Variants in ABCC11 observed in about 807,000 individuals in gnomAD.
The protein encoded by ABCC11 is ATP binding cassette subfamily C member 11.
A neutral mutation model predicts 149.3 loss-of-function variants in ABCC11; 135 were observed. The ratio of observed to expected loss-of-function variants is 0.90; its 90% CI spans 0.79 to 1.04. The LOEUF (loss-of-function observed/expected upper bound fraction) is 1.04, where lower values mean the gene tolerates loss of function less well. ABCC11 is among the 50% of genes least tolerant of loss of function. The pLI is 0.00. For missense variants in ABCC11, 1,680 were observed against 1,722.1 expected (o/e 0.98, Z 0.43); for synonymous variants, 665 against 671.4 (o/e 0.99, Z 0.15).
At chr16:48,205,646 G>A (rs962884007) in intron 12 of ABCC11, 109 bp from the exon 13 acceptor site, 29 of 1,408,368 alleles carry the variant, frequency 2.1e-5, no homozygotes, top group Non-Finnish European at 2.6e-5. Context: ...GACCTTGGGG[G>A]CTCTCCTAGG....
At chr16:48,228,743 A>G (rs1970244224) in intron 3 of ABCC11, among the ~76,000 whole-genome samples, 1 of 152,222 alleles carries the variant, frequency 6.6e-6, no homozygotes, top group African/African-American at 2.4e-5. Context: ...AAGAAATAGG[A>G]AGAGAGGTCC....
chr16:48,167,823 G>A (rs1567467540), intron 28 of ABCC11, among the ~76,000 whole-genome samples, 163 bp from the exon 29 acceptor site: 1 of 152,146 alleles, frequency 6.6e-6, no homozygotes, highest in Non-Finnish European at 1.5e-5. Context: ...CGCTCTGATT[G>A]CTGATTATCC....
chr16:48,230,704 C>T lies in ABCC11; in HGVS notation c.100-131G>A, dbSNP rs561508703. The T allele has an allele frequency of 1.2e-5, 13 of 1,092,060 alleles. No individual in the cohort carries two copies. In the East Asian group the frequency reaches 1.7e-4, roughly 14 times the overall value. The allele number at this position is 1,092,060 out of a possible 1,614,324, so 67.6% of individuals were successfully genotyped here. A position where few individuals can be genotyped will look rare whatever the true frequency, so the allele number is the denominator to read the frequency against. On this transcript the variant is annotated intron_variant, in intron 2 of 29. Transcript: ENST00000356608. Reference sequence around the variant, plus strand: ...GCTTCCTAAAGAAAGGCTTCCATACCGAGAATAAGCAGGGGACCGAGAGTC... The same window carrying T: ...GCTTCCTAAAGAAAGGCTTCCATACTGAGAATAAGCAGGGGACCGAGAGTC...
At chr16:48,172,166 C>T (rs1277039785) in intron 26 of ABCC11, among the ~76,000 whole-genome samples, 1 of 152,224 alleles carries the variant, frequency 6.6e-6, no homozygotes, top group East Asian at 1.9e-4. Flanking sequence ...GCATCTTTCA[C>T]TTCGTGTCCA....
rs766486083 is a variant in ABCC11, at chr16:48,198,243, C to T, written c.2115G>A (p.Leu705=). The change falls in exon 16 of 30, where the codon TTG becomes TTA. Residue 705 remains leucine, a synonymous_variant. Coordinates refer to ENST00000356608, the MANE Select transcript of ABCC11 (RefSeq NM_001370497.1). Reference sequence around the variant, plus strand: ...CATTTTCACAGATTTTCCCATTTTCCAACAAAATGATCTGGCCACAAAATT... The same window carrying T: ...CATTTTCACAGATTTTCCCATTTTCTAACAAAATGATCTGGCCACAAAATT... ...YLEFCGQIIL[L]ENGKICENGT... The T allele has an allele frequency of 6.2e-7, 1 of 1,614,130 alleles. No individual in the cohort carries two copies. Among genetic ancestry groups the T allele is most frequent in the South Asian group, 1.1e-5 (1 of 91,076 alleles).
At chr16:48,235,939 G>T (rs999437838) in intron 1 of ABCC11, among the ~76,000 whole-genome samples, 9 of 152,108 alleles carry the variant, frequency 5.9e-5, no homozygotes, top group African/African-American at 2.2e-4. Context: ...CTTTCTGGAG[G>T]AGCTGATTTA....
chr16:48,186,217 C>T (rs1966735745), intron 22 of ABCC11, among the ~76,000 whole-genome samples: 1 of 152,096 alleles, frequency 6.6e-6, no homozygotes, highest in African/African-American at 2.4e-5. Context: ...AAATGTGTGC[C>T]CAAGTCTTAC....
intron 7 of ABCC11, 92 bp from the exon 8 acceptor site, chr16:48,215,436 T>C (rs1969264331): frequency 7.1e-7 from 1 of 1,414,254 alleles, no homozygotes; most frequent in Non-Finnish European, 9.7e-7. Flanking sequence ...GTAGGGCAAC[T>C]GGGTGTATTT....
Position 48,167,370 on chromosome 16 carries a change from G to A in ABCC11, c.4057-4C>T. On this transcript the variant is annotated splice_region_variant and splice_polypyrimidine_tract_variant and intron_variant, in intron 29 of 29. Transcript: ENST00000356608. ...CCGGCCGATCAAATTCTACCACCTG[G>A]AGGGTAGAGAAAGGCGAGGGGAGGA... The A allele has an allele frequency of 7.2e-7, 1 of 1,387,794 alleles. No individual in the cohort carries two copies. Among genetic ancestry groups the A allele is most frequent in the Non-Finnish European group, 1.0e-6 (1 of 973,468 alleles). The allele number at this position is 1,387,794 out of a possible 1,614,324, so 86.0% of individuals were successfully genotyped here.
At chr16:48,231,582 A>G (rs1970418601) in intron 2 of ABCC11, among the ~76,000 whole-genome samples, 1 of 151,034 alleles carries the variant, frequency 6.6e-6, no homozygotes, top group Non-Finnish European at 1.5e-5. Context: ...TGGGAGGATC[A>G]TTTGAACCCA....
At chr16:48,174,020 A>G (rs1421141258) in intron 26 of ABCC11, among the ~76,000 whole-genome samples, 1 of 152,078 alleles carries the variant, frequency 6.6e-6, no homozygotes, top group African/African-American at 2.4e-5. Context: ...GCAAGCTCCT[A>G]CTCAGCTTTC....
chr16:48,176,613 G>C (rs1389151696), intron 25 of ABCC11, among the ~76,000 whole-genome samples: 1 of 152,258 alleles, frequency 6.6e-6, no homozygotes, highest in African/African-American at 2.4e-5. Flanking sequence ...CAGAACCCAG[G>C]TATCCAAGGC....
intron 22 of ABCC11, among the ~76,000 whole-genome samples, chr16:48,185,424 T>A (rs1371112643): frequency 6.6e-6 from 1 of 152,208 alleles, no homozygotes; most frequent in Non-Finnish European, 1.5e-5. Context: ...AATTTTCACA[T>A]ACCACCATCA....
At chr16:48,244,609 C>T (rs1971238496) in intron 1 of ABCC11, 3 of 1,469,594 alleles carry the variant, frequency 2.0e-6, no homozygotes, top group African/African-American at 1.5e-5. Flanking sequence ...CAGGACCTGC[C>T]GCCGCTGCAC....
intron 7 of ABCC11, 29 bp from the exon 8 acceptor site, chr16:48,215,373 T>C (rs1346049810): frequency 5.6e-6 from 9 of 1,603,546 alleles, no homozygotes; most frequent in South Asian, 2.2e-5. Context: ...AAGTTTGGAG[T>C]TGATCTGCAA....
rs563870215 is a variant in ABCC11 at position 48,170,754 on chromosome 16, C to G, written c.3777+135G>C. ...CCTTGACTTAGGAATGCCAAGTCAT[C>G]TCATCTCCATGAGATGATGCATCCA... On this transcript the variant is annotated intron_variant, in intron 27 of 29. Transcript: ENST00000356608. 18 of 799,820 alleles carry G rather than the reference C, an allele frequency of 2.3e-5. No homozygotes were observed. In the African/African-American group the frequency reaches 2.9e-4, roughly 13 times the overall value. 49.5% of individuals were successfully genotyped at this position (799,820 alleles called of 1,614,324 possible).
intron 11 of ABCC11, chr16:48,210,697 A>C (rs1968844409): frequency 2.0e-6 from 1 of 510,786 alleles, no homozygotes; most frequent in African/African-American, 1.9e-5. Flanking sequence ...TTCCAAGGAC[A>C]AGCACACAGT....
At chr16:48,189,692 A>G (rs538498789) in intron 20 of ABCC11, among the ~76,000 whole-genome samples, 1 of 152,326 alleles carries the variant, frequency 6.6e-6, no homozygotes, top group South Asian at 2.1e-4. Context: ...AGAAACTCAG[A>G]GACCACCTTG....
intron 14 of ABCC11, among the ~76,000 whole-genome samples, chr16:48,202,939 C>A (rs1596753042): frequency 6.6e-6 from 1 of 152,146 alleles, no homozygotes; most frequent in Non-Finnish European, 1.5e-5. Context: ...GGCGATGCAG[C>A]GTTTCTCATC....
Sources: gnomAD v4.1 joint callset for allele counts (sites outside exome capture counted in the v4.1 genomes callset) on GRCh38, gnomAD v4.1.1 for gene constraint, MANE v1.5 for transcripts, NCBI Gene and HGNC (gene_info 2026-07-23, HGNC 2026-07-21) for gene names.